Variants in PUS3 observed in about 807,000 individuals in gnomAD.
PUS3 encodes the protein pseudouridine synthase 3.
Under a neutral mutation model 43.3 loss-of-function variants are expected in PUS3, and 36 were observed. The observed-to-expected ratio is 0.83, with a 90% CI of 0.64 to 1.10. The LOEUF is 1.10. Ranked by LOEUF, PUS3 falls within the 50% of genes least tolerant of loss-of-function variation. The pLI is 0.00. For synonymous variants in PUS3, 183 were observed against 199.2 expected (o/e 0.92, Z 0.69); for missense variants, 544 against 589.9 (o/e 0.92, Z 0.81).
chr11:125,899,376 A>C, intron 1 of PUS3: 1 of 1,614,130 alleles, frequency 6.2e-7, no homozygotes. Flanking sequence ...GCAATGGAAG[A>C]ACTTCTACCT....
At position 125,895,553 on chromosome 11, in the gene PUS3, A is replaced by T; in HGVS notation, c.615T>A (p.Asp205Glu). ...YRYFFPRADL[D>E]IVTMDYAAQK... ...GAGCTGCATAATCCATGGTTACAATATCTAAATCAGCACGAGGGAAAAAAT... is the reference window on the plus strand; with the variant it reads ...GAGCTGCATAATCCATGGTTACAATTTCTAAATCAGCACGAGGGAAAAAAT... The change falls in exon 3 of 4, where the codon GAT becomes GAA. Residue 205 changes from aspartate to glutamate, a missense_variant. Physicochemically the swap from Asp to Glu is conservative, Grantham distance 45 (BLOSUM62 2). Transcript: ENST00000227474. The T allele has an allele frequency of 6.2e-7, 1 of 1,614,206 alleles. No individual in the cohort carries two copies.
rs199653630 is a variant in PUS3 at position 125,895,891 on chromosome 11, G to A, written c.378+16C>T. Reference sequence around the variant, plus strand: ...CTAGTATTGCTTGCTTTGAGAAACAGTGTATTGGCCCTTACCTGTCCAAAG... The same window carrying A: ...CTAGTATTGCTTGCTTTGAGAAACAATGTATTGGCCCTTACCTGTCCAAAG... On this transcript the variant is annotated intron_variant, in intron 2 of 3. Coordinates refer to ENST00000227474, the MANE Select transcript of PUS3 (RefSeq NM_031307.4). The A allele has an allele frequency of 6.2e-7, 1 of 1,607,406 alleles. No homozygotes were observed. The highest frequency in any genetic ancestry group is 1.7e-5 in the Admixed American group (1 of 59,830).
At chr11:125,897,763 G>A (rs959555835) in intron 1 of PUS3, among the ~76,000 whole-genome samples, 1 of 152,198 alleles carries the variant, frequency 6.6e-6, no homozygotes, top group African/African-American at 2.4e-5. Context: ...TGTATGGTCA[G>A]TACAGCTTCT....
At chr11:125,900,212 G>T in intron 1 of PUS3, 3 of 1,614,166 alleles carry the variant, frequency 1.9e-6, no homozygotes, top group Non-Finnish European at 2.5e-6. Context: ...TGTTCGTTGT[G>T]ACCTTGCAAA....
chr11:125,898,560 C>A (rs187776399), intron 1 of PUS3, among the ~76,000 whole-genome samples: 1 of 152,098 alleles, frequency 6.6e-6, no homozygotes, highest in Admixed American at 6.5e-5. Flanking sequence ...CTGTAGTAGT[C>A]CAGTTACTCC....
intron 1 of PUS3, chr11:125,899,290 A>G (rs1944684361): frequency 1.5e-6 from 2 of 1,340,624 alleles, no homozygotes; most frequent in South Asian, 2.6e-5. Context: ...GGAATGAGCA[A>G]TTTATGAGCT....
intron 1 of PUS3, among the ~76,000 whole-genome samples, chr11:125,898,414 G>A (rs1944656655): frequency 6.6e-6 from 1 of 152,128 alleles, no homozygotes; most frequent in South Asian, 2.1e-4. Flanking sequence ...AGCTGGGCGC[G>A]GTGGCTCACC....
chr11:125,895,788 A>G lies in PUS3; in HGVS notation c.380T>C (p.Val127Ala), dbSNP rs749001838. The change falls in exon 3 of 4, where the codon GTG becomes GCG. Residue 127 changes from valine (V) to alanine (A), a missense_variant and splice_region_variant. Physicochemically the swap from Val to Ala is moderately conservative, Grantham distance 64. Coordinates refer to ENST00000227474, the MANE Select transcript of PUS3 (RefSeq NM_031307.4). Reference sequence around the variant, plus strand: ...CTGAGAGCGAAGGTCAAGTGAGATCACCTGTGGAGTTAGACAAAGATACTG... The same window carrying G: ...CTGAGAGCGAAGGTCAAGTGAGATCGCCTGTGGAGTTAGACAAAGATACTG... The part of the protein sequence containing the change: ...TDKGVSAFGQ[V>A]ISLDLRSQFP... 4.4e-6 allele frequency: 7 copies of G among 1,593,192 alleles called. No homozygotes were observed. The Admixed American group carries it at 1.0e-4, about 23-fold the overall frequency.
rs200292412 is a variant in PUS3 at position 125,894,220 on chromosome 11, G to A, written c.1011C>T (p.Asp337=). The A allele has an allele frequency of 6.0e-4, 974 of 1,613,194 alleles. 16 individuals are homozygous for A. In the South Asian group the frequency reaches 9.9e-3, roughly 16 times the overall value. ...TAATATTGAACTCCTGAGCCTCCTGGTCATAGATCCACTTGACATTTTCAA... is the reference window on the plus strand; with the variant it reads ...TAATATTGAACTCCTGAGCCTCCTGATCATAGATCCACTTGACATTTTCAA... ...CKFENVKWIY[D]QEAQEFNITH... Residue 337 remains aspartate (D), a synonymous_variant, in exon 4 of 4, where the codon GAC becomes GAT. Transcript: ENST00000227474.
intron 1 of PUS3, among the ~76,000 whole-genome samples, chr11:125,902,123 A>G (rs994327699): frequency 6.6e-6 from 1 of 152,150 alleles, no homozygotes; most frequent in African/African-American, 2.4e-5. Context: ...CAAAAACAGG[A>G]CTTGGTACAC....
Position 125,893,727 on chromosome 11 carries a change from TTC to T in PUS3, c.*56_*57del. On this transcript the variant is annotated 3_prime_UTR_variant, in exon 4 of 4. Transcript: ENST00000227474. ...TACTTGCAAGTAAATTTTTTTTTTT[TTC>T]CTTTTCTGTCCACCTACCATTAGGT... 3.5e-6 allele frequency: 5 copies of T among 1,422,176 alleles called. No individual in the cohort carries two copies. The highest frequency in any genetic ancestry group is 1.8e-5 in the South Asian group (1 of 56,946). 88.1% of individuals were successfully genotyped at this position (1,422,176 alleles called of 1,614,324 possible).
At position 125,894,175 on chromosome 11, in the gene PUS3, C is replaced by G; in HGVS notation, c.1056G>C (p.Trp352Cys). ...EFNITHLQQL[W>C]ANHAVKTHML... is the part of the protein sequence containing the mutation. The stretch of plus-strand genomic sequence containing the variant: ...TGTGAGTTTTGACAGCATGATTAGC[C>G]CACAGTTGTTGTAGGTGGGTAATAT... The change falls in exon 4 of 4, where the codon TGG becomes TGC. Residue 352 changes from tryptophan (W) to cysteine (C), a missense_variant. Physicochemically the swap from Trp to Cys is radical, Grantham distance 215 (BLOSUM62 -2). Transcript: ENST00000227474. 6.2e-7 allele frequency: 1 copy of G among 1,614,028 alleles called. No individual in the cohort carries two copies. Among genetic ancestry groups the G allele is most frequent in the African/African-American group, 1.3e-5 (1 of 74,984 alleles).
rs1475345221 is a variant in PUS3, at chr11:125,895,631, AG to A, written c.536del (p.Pro179LeufsTer2). The A allele has an allele frequency of 6.2e-7, 1 of 1,614,254 alleles. No individual in the cohort carries two copies. Among genetic ancestry groups the A allele is most frequent in the Admixed American group, 1.7e-5 (1 of 60,030 alleles). On this transcript the variant is annotated frameshift_variant, in exon 3 of 4. Coordinates refer to ENST00000227474, the MANE Select transcript of PUS3 (RefSeq NM_031307.4). LOFTEE classifies it high-confidence loss of function. ...ACCTAGCACTGAAGCTTGGTTCTAC[AG>A]GGGCCCAGGCCAATATACGGATGTC... ...PPDIRILAWA[P>X]VEPSFSARFS...
intron 1 of PUS3, chr11:125,899,406 A>C (rs932028787): frequency 1.2e-6 from 2 of 1,614,140 alleles, no homozygotes; most frequent in South Asian, 2.2e-5. Flanking sequence ...ATATGGGCTA[A>C]TATGGATCCA....
At chr11:125,898,176 G>T (rs1944645869) in intron 1 of PUS3, among the ~76,000 whole-genome samples, 1 of 152,094 alleles carries the variant, frequency 6.6e-6, no homozygotes, top group Admixed American at 6.5e-5. Flanking sequence ...AACTTGGTGG[G>T]GGAGGGAAAA....
chr11:125,900,990 G>C (rs1428614447), intron 1 of PUS3: 2 of 133,656 alleles, frequency 1.5e-5, no homozygotes, highest in South Asian at 2.6e-4. Flanking sequence ...CAGCCTGGGC[G>C]ACAGCGAGAC....
At chr11:125,899,050 A>T (rs1356577039) in intron 1 of PUS3, 1 of 313,586 alleles carries the variant, frequency 3.2e-6, no homozygotes, top group Non-Finnish European at 5.9e-6. Flanking sequence ...AGTATGCCCC[A>T]TATCATGTAG....
At chr11:125,899,522 A>G (rs1944694272) in intron 1 of PUS3, 1 of 1,614,200 alleles carries the variant, frequency 6.2e-7, no homozygotes, top group Admixed American at 1.7e-5. Context: ...TGATCCCTAC[A>G]GTAAAGCTTC....
In PUS3 at chr11:125,900,154, C is replaced by T. The variant is rs748017750; in HGVS notation, c.-47+3016G>A. ...AACCTCAGCATATATATGTCCCAAA[C>T]AATTATCTAGTACCAACAGAGAAGA... On this transcript the variant is annotated intron_variant, in intron 1 of 3. Transcript: ENST00000227474. 3 of 1,614,162 alleles carry T rather than the reference C, an allele frequency of 1.9e-6. No individual in the cohort carries two copies. Among genetic ancestry groups the T allele is most frequent in the South Asian group, 2.2e-5 (2 of 91,076 alleles).
Sources: allele counts gnomAD v4.1 joint callset (sites outside exome capture counted in the v4.1 genomes callset), GRCh38; gene constraint gnomAD v4.1.1; transcripts MANE v1.5; gene names NCBI Gene and HGNC (gene_info 2026-07-23, HGNC 2026-07-21).